Variants in BLTP1 observed in about 807,000 individuals in gnomAD.
The protein encoded by BLTP1 is bridge-like lipid transfer protein family member 1, also known as fragile site-associated protein.
chr4:122,172,486 T>G, the BLTP1 span: 4 of 252,666 alleles, frequency 1.6e-5, no homozygotes, highest in Non-Finnish European at 2.5e-5. Context: ...ACATCATAAC[T>G]TATTGTCTTA....
chr4:122,275,129 A>G, the BLTP1 span, among the ~76,000 whole-genome samples: 1 of 152,142 alleles, frequency 6.6e-6, no homozygotes, highest in Non-Finnish European at 1.5e-5. Context: ...CAAGAAAGGC[A>G]GGAAATTCCG....
the BLTP1 span, chr4:122,199,261 T>A: frequency 3.3e-6 from 5 of 1,496,880 alleles, no homozygotes; most frequent in Non-Finnish European, 4.5e-6. Flanking sequence ...TTTTCAAGGA[T>A]TCCTTCTTTG....
At chr4:122,193,687 C>G in the BLTP1 span, 84 of 920,358 alleles carry the variant, frequency 9.1e-5, no homozygotes, top group East Asian at 1.2e-4. Context: ...TATTCATGAA[C>G]TAGCTTTTTT....
At chr4:122,346,832 T>C in the BLTP1 span, 1 of 1,557,504 alleles carries the variant, frequency 6.4e-7, no homozygotes, top group Non-Finnish European at 8.7e-7. Context: ...ACAAACGTGA[T>C]CTTACTTGGC....
At chr4:122,171,317 G>T in the BLTP1 span, among the ~76,000 whole-genome samples, 1 of 152,152 alleles carries the variant, frequency 6.6e-6, no homozygotes, top group African/African-American at 2.4e-5. Flanking sequence ...TGAATGAGAG[G>T]GAGAAATACA....
At chr4:122,201,033 C>T in the BLTP1 span, 1 of 1,612,970 alleles carries the variant, frequency 6.2e-7, no homozygotes, top group Non-Finnish European at 8.5e-7. Context: ...CAGCTACCCC[C>T]GAATATGGAA....
the BLTP1 span, chr4:122,343,471 G>C: frequency 1.2e-6 from 2 of 1,613,920 alleles, no homozygotes; most frequent in African/African-American, 2.7e-5. Context: ...AGTCAGACCT[G>C]ACCAGTTCCA....
chr4:122,315,371 A>G, the BLTP1 span: 10 of 1,507,542 alleles, frequency 6.6e-6, no homozygotes, highest in African/African-American at 1.4e-5. Context: ...GAAAGACATT[A>G]GTTATTATAT....
At chr4:122,172,318 AT>A in the BLTP1 span, 2 of 723,864 alleles carry the variant, frequency 2.8e-6, no homozygotes, top group Non-Finnish European at 3.4e-6. Context: ...TTTGAAAAGG[AT>A]AAGTAAGAGC....
chr4:122,298,215 T>C, the BLTP1 span: 8 of 925,710 alleles, frequency 8.6e-6, no homozygotes, highest in Middle Eastern at 5.6e-4. Flanking sequence ...CAGCTAACTT[T>C]CAAAATCAGA....
chr4:122,221,884 C>T, the BLTP1 span: 1 of 983,820 alleles, frequency 1.0e-6, no homozygotes, highest in Non-Finnish European at 1.2e-6. Flanking sequence ...ACCTGGTAGC[C>T]CTTCAACTTT....
the BLTP1 span, chr4:122,318,141 A>G: frequency 6.3e-7 from 1 of 1,594,034 alleles, no homozygotes; most frequent in Non-Finnish European, 8.5e-7. Context: ...TTTGTTTTGC[A>G]TCCAGAAAAT....
chr4:122,170,257 A>G, the BLTP1 span: 11 of 636,070 alleles, frequency 1.7e-5, 1 homozygote, highest in East Asian at 4.2e-4. Context: ...CTGAGCCGAG[A>G]TCATGCCATT....
At chr4:122,355,996 T>C in the BLTP1 span, 1 of 1,572,742 alleles carries the variant, frequency 6.4e-7, no homozygotes, top group Non-Finnish European at 8.7e-7. Flanking sequence ...ACAGGGTATG[T>C]AGAAAAACAA....
the BLTP1 span, chr4:122,290,976 G>A: frequency 1.2e-6 from 1 of 869,038 alleles, no homozygotes. Context: ...AAGTGTTGTG[G>A]AGTTCCTAGT....
At chr4:122,292,497 A>T in the BLTP1 span, 1 of 841,600 alleles carries the variant, frequency 1.2e-6, no homozygotes, top group Admixed American at 6.2e-5. Flanking sequence ...GTTTAGCAAA[A>T]TGATTTAAGA....
At chr4:122,279,220 T>A in the BLTP1 span, among the ~76,000 whole-genome samples, 1 of 152,280 alleles carries the variant, frequency 6.6e-6, no homozygotes, top group Non-Finnish European at 1.5e-5. Context: ...CAATTGAAGT[T>A]GTCTATGGTG....
chr4:122,314,201 C>G, the BLTP1 span: 1 of 827,696 alleles, frequency 1.2e-6, no homozygotes, highest in Non-Finnish European at 1.5e-6. Context: ...AGGGAAAATT[C>G]AGGCAGAGAG....
At chr4:122,240,358 A>T in the BLTP1 span, 1 of 1,603,374 alleles carries the variant, frequency 6.2e-7, no homozygotes, top group Non-Finnish European at 8.5e-7. Flanking sequence ...TTTAAGGTAT[A>T]AACCAAATCA....
Sources: gnomAD v4.1 joint callset for allele counts (sites outside exome capture counted in the v4.1 genomes callset) on GRCh38, gnomAD v4.1.1 for gene constraint, MANE v1.5 for transcripts, NCBI Gene and HGNC (gene_info 2026-07-23, HGNC 2026-07-21) for gene names.